DPP10: variants seen among roughly 807,000 people sequenced by gnomAD.
DPP10 encodes the protein dipeptidyl peptidase like 10.
In DPP10, 33 loss-of-function variants were observed where a neutral mutation model predicts 120.9. The observed-to-expected ratio is 0.27, with a 90% confidence interval of 0.21 to 0.37. The LOEUF is 0.37. Among genes scored for constraint, DPP10 ranks in the 10% least tolerant of loss-of-function variants. The pLI is 1.00. For synonymous variants in DPP10, 337 were observed against 326.1 expected (o/e 1.03, Z -0.36); for missense variants, 816 against 942.8 (o/e 0.87, Z 1.76).
chr2:115,432,702 T>TGTGTGTC (rs1480036665), intron 3 of DPP10, among the ~76,000 whole-genome samples: 87 of 149,128 alleles, frequency 5.8e-4, no homozygotes, highest in Non-Finnish European at 1.1e-3. Context: ...TGTGTGTGTC[T>TGTGTGTC]TTTAGCTCAG....
chr2:114,483,163 C>T (rs759367799), intron 1 of DPP10, among the ~76,000 whole-genome samples: 2 of 151,938 alleles, frequency 1.3e-5, no homozygotes, highest in Non-Finnish European at 2.9e-5. Context: ...CCAGTCAAAA[C>T]CCCAAAATAA....
intron 7 of DPP10, among the ~76,000 whole-genome samples, chr2:115,721,133 A>G (rs2092639310): frequency 6.6e-6 from 1 of 152,230 alleles, no homozygotes; most frequent in South Asian, 2.1e-4. Flanking sequence ...TTAGGCATGT[A>G]CATTTAAGAC....
At chr2:115,537,430 A>G (rs2078917591) in intron 5 of DPP10, among the ~76,000 whole-genome samples, 1 of 152,048 alleles carries the variant, frequency 6.6e-6, no homozygotes, top group African/African-American at 2.4e-5. Context: ...GGCAAATATT[A>G]GGTTGAATGT....
intron 3 of DPP10, among the ~76,000 whole-genome samples, chr2:115,446,372 G>T (rs1431614977): frequency 6.6e-6 from 1 of 152,208 alleles, no homozygotes; most frequent in Non-Finnish European, 1.5e-5. Flanking sequence ...TCCCAGTAGA[G>T]CTGTGAGAAG....
chr2:115,273,755 A>G (rs1227142923), intron 1 of DPP10, among the ~76,000 whole-genome samples: 1 of 152,246 alleles, frequency 6.6e-6, no homozygotes, highest in African/African-American at 2.4e-5. Flanking sequence ...TCTTAAAATT[A>G]TTAATCTTAT....
intron 5 of DPP10, among the ~76,000 whole-genome samples, chr2:115,660,277 A>G (rs181078427): frequency 5.2e-3 from 799 of 152,230 alleles, no homozygotes; most frequent in Non-Finnish European, 7.9e-3. Context: ...TCACCTGCTC[A>G]ATGTTTAACA....
chr2:114,905,872 T>G (rs547070014), intron 1 of DPP10, among the ~76,000 whole-genome samples: 14 of 152,308 alleles, frequency 9.2e-5, no homozygotes, highest in Non-Finnish European at 1.6e-4. Context: ...ATAATTGATT[T>G]TTGTGTATTG....
intron 1 of DPP10, among the ~76,000 whole-genome samples, chr2:114,818,475 T>C (rs1238111431): frequency 6.6e-6 from 1 of 152,224 alleles, no homozygotes; most frequent in Non-Finnish European, 1.5e-5. Flanking sequence ...ACCAAGTGGC[T>C]GCACGAAAGA....
At chr2:115,561,358 C>CAAAAAAAAAA in intron 5 of DPP10, among the ~76,000 whole-genome samples, 1 of 59,812 alleles carries the variant, frequency 1.7e-5, no homozygotes, top group East Asian at 8.0e-4. Context: ...GACTCCATCA[C>CAAAAAAAAAA]AAAAAAAAAA....
intron 1 of DPP10, among the ~76,000 whole-genome samples, chr2:114,553,800 C>T (rs1333855094): frequency 6.6e-6 from 1 of 152,118 alleles, no homozygotes; most frequent in African/African-American, 2.4e-5. Context: ...GTATTTCATG[C>T]TTTCAAAGCC....
At chr2:114,737,117 G>T (rs1286339091) in intron 1 of DPP10, among the ~76,000 whole-genome samples, 1 of 152,160 alleles carries the variant, frequency 6.6e-6, no homozygotes, top group Admixed American at 6.5e-5. Context: ...ACAAACAAAA[G>T]AAATTCTTAA....
chr2:114,965,678 G>C (rs1190221169), intron 1 of DPP10, among the ~76,000 whole-genome samples: 1 of 151,910 alleles, frequency 6.6e-6, no homozygotes, highest in Non-Finnish European at 1.5e-5. Flanking sequence ...ATGTTTCCAC[G>C]TCAGAAAGAT....
At chr2:115,790,354 C>CA (rs769034184) in intron 17 of DPP10, among the ~76,000 whole-genome samples, 4 of 152,110 alleles carry the variant, frequency 2.6e-5, no homozygotes, top group African/African-American at 9.7e-5. Context: ...GCTGGGATTA[C>CA]AGGCGTGAGC....
chr2:115,119,968 G>A (rs1410125649), intron 1 of DPP10, among the ~76,000 whole-genome samples: 1 of 152,182 alleles, frequency 6.6e-6, no homozygotes, highest in Non-Finnish European at 1.5e-5. Flanking sequence ...CAATTTAAAA[G>A]TTGTCTGATG....
chr2:115,012,624 A>G (rs1702347756), intron 1 of DPP10, among the ~76,000 whole-genome samples: 1 of 152,194 alleles, frequency 6.6e-6, no homozygotes, highest in Non-Finnish European at 1.5e-5. Context: ...CTCCATTCCT[A>G]GGGGAAGAGG....
intron 3 of DPP10, among the ~76,000 whole-genome samples, chr2:115,466,182 A>G (rs1417785227): frequency 2.0e-5 from 3 of 152,236 alleles, no homozygotes; most frequent in Non-Finnish European, 4.4e-5. Context: ...TGGAAATACC[A>G]ATCCAGAGAA....
At chr2:115,832,769 T>C (rs1443723245) in intron 21 of DPP10, among the ~76,000 whole-genome samples, 1 of 152,154 alleles carries the variant, frequency 6.6e-6, no homozygotes, top group Non-Finnish European at 1.5e-5. Context: ...TCTCCACAGA[T>C]TGTGATTGAA....
At chr2:115,817,949 C>G (rs1313678671) in intron 21 of DPP10, among the ~76,000 whole-genome samples, 1 of 151,648 alleles carries the variant, frequency 6.6e-6, no homozygotes, top group Non-Finnish European at 1.5e-5. Flanking sequence ...AAAAGGGAAG[C>G]TGGTTTTTAA....
intron 1 of DPP10, among the ~76,000 whole-genome samples, chr2:114,748,095 T>C (rs1406682165): frequency 6.6e-6 from 1 of 152,150 alleles, no homozygotes; most frequent in African/African-American, 2.4e-5. Flanking sequence ...ATTTTTATTT[T>C]ATTTTTCTAG....
Sources: allele counts gnomAD v4.1 joint callset (sites outside exome capture counted in the v4.1 genomes callset), GRCh38; gene constraint gnomAD v4.1.1; transcripts MANE v1.5; gene names NCBI Gene and HGNC (gene_info 2026-07-23, HGNC 2026-07-21).